The following SCUBE3 variants were observed in gnomAD, a reference collection of about 807,000 sequenced individuals.
SCUBE3 encodes the protein signal peptide, CUB and EGF-like domain-containing protein 3.
In SCUBE3, 33 loss-of-function variants were observed where a neutral mutation model predicts 116.8. The observed-to-expected ratio is 0.28, with a 90% CI of 0.21 to 0.38. SCUBE3 has a LOEUF of 0.38. Among genes scored for constraint, SCUBE3 ranks in the 10% least tolerant of loss-of-function variants. The pLI is 1.00. For synonymous variants in SCUBE3, 418 were observed against 496.9 expected, an observed-to-expected ratio of 0.84 and a Z score of 2.11; for missense variants, 1,007 against 1,324.8, an observed-to-expected ratio of 0.76 and a Z score of 3.72.
At chr6:35,217,053 T>C (rs1782924846) in intron 1 of SCUBE3, among the ~76,000 whole-genome samples, 1 of 151,600 alleles carries the variant, frequency 6.6e-6, no homozygotes, top group African/African-American at 2.4e-5. Context: ...GAAGAGTAGG[T>C]GGGTAAGCCT....
Position 35,241,116 on chromosome 6 carries a change from T to A in SCUBE3, c.1070-25T>A, listed in dbSNP as rs1784024869. The A allele has an allele frequency of 1.3e-6, 2 of 1,566,880 alleles. No individual in the cohort carries two copies. The highest frequency in any genetic ancestry group is 2.7e-5 in the African/African-American group (2 of 73,828). On this transcript the variant is annotated intron_variant, in intron 9 of 21. Coordinates refer to ENST00000274938, the MANE Select transcript of SCUBE3 (RefSeq NM_152753.4). The surrounding 1 kb of genome is among the most constrained non-coding windows in gnomAD (Gnocchi z 4.1). ...CCTCCTCCAACTCCATCGTTGTTTTTCTGTCTCCCTACTCCTTCCCCCAGA... is the reference window on the plus strand; with the variant it reads ...CCTCCTCCAACTCCATCGTTGTTTTACTGTCTCCCTACTCCTTCCCCCAGA...
chr6:35,243,987 C>A lies in SCUBE3; in HGVS notation c.2096C>A (p.Ser699Tyr). 1 of 1,614,094 alleles carries A rather than the reference C, an allele frequency of 6.2e-7. No homozygotes were observed. The highest frequency in any genetic ancestry group is 8.5e-7 in the Non-Finnish European group (1 of 1,179,980). ...CAGQCPPGQH[S>Y]VDGFKPCQPC... ...GGTCAGTGCCCACCTGGCCAACACT[C>A]TGTAGATGGGTTCAAGCCCTGTCAG... The change falls in exon 17 of 22, where the codon TCT becomes TAT. Residue 699 changes from serine to tyrosine, a missense_variant. Ser to Tyr is a moderately radical substitution (Grantham distance 144). Transcript: ENST00000274938. This position sits in a 1 kb window ranked among gnomAD's most constrained non-coding sequence, Gnocchi z 6.6.
chr6:35,214,193 G>T lies in SCUBE3; in HGVS notation c.-226G>T, dbSNP rs1782790357. Among the ~76,000 whole-genome samples the T allele has an allele frequency of 6.6e-6, 1 of 152,104 alleles. No homozygotes were observed. The highest frequency in any genetic ancestry group is 1.5e-5 in the Non-Finnish European group (1 of 67,996). On this transcript the variant is annotated 5_prime_UTR_variant, in exon 1 of 22. Transcript: ENST00000274938. This position sits in a 1 kb window ranked among gnomAD's most constrained non-coding sequence, Gnocchi z 6.3. The stretch of plus-strand genomic sequence containing the variant: ...CGCCCCTGGCGCCCCTCGCCTCGTC[G>T]CACTCTCCGCCTCGCTCTCCCCGAC...
Position 35,240,235 on chromosome 6 carries a change from A to C in SCUBE3, c.953-139A>C, listed in dbSNP as rs1783977408. 1 of 558,368 alleles carries C rather than the reference A, an allele frequency of 1.8e-6. No homozygotes were observed. The highest frequency in any genetic ancestry group is 2.7e-5 in the South Asian group (1 of 37,498). The allele number at this position is 558,368 out of a possible 1,614,324, so 34.6% of individuals were successfully genotyped here. Reference sequence around the variant, plus strand: ...GAAGATGGAATGGCATTGTTAAATCACTGGTCCTAGAGCTAGGACATGAAT... The same window carrying C: ...GAAGATGGAATGGCATTGTTAAATCCCTGGTCCTAGAGCTAGGACATGAAT... On this transcript the variant is annotated intron_variant, in intron 8 of 21. Transcript: ENST00000274938. The surrounding 1 kb of genome is among the most constrained non-coding windows in gnomAD (Gnocchi z 4.6).
rs1271976285 is a variant in SCUBE3 at position 35,244,428 on chromosome 6, C to T, written c.2240-222C>T. On this transcript the variant is annotated intron_variant, in intron 17 of 21. Transcript: ENST00000274938. The surrounding 1 kb of genome is among the most constrained non-coding windows in gnomAD (Gnocchi z 4.3). ...TATATAGGTTTGGCACTGTGCTCAGCGTCTGAAAGAAAAGGATTGGCACTG... is the reference window on the plus strand; with the variant it reads ...TATATAGGTTTGGCACTGTGCTCAGTGTCTGAAAGAAAAGGATTGGCACTG... 6.6e-6 allele frequency among the ~76,000 whole-genome samples: 1 copy of T among 152,164 alleles called. No homozygotes were observed.
rs1050478217 is a variant in SCUBE3 at position 35,235,366 on chromosome 6, G to A, written c.712+2065G>A. 16 of 591,078 alleles carry A rather than the reference G, an allele frequency of 2.7e-5. No homozygotes were observed. The highest frequency in any genetic ancestry group is 1.1e-4 in the African/African-American group (6 of 53,632). 36.6% of individuals were successfully genotyped at this position (591,078 alleles called of 1,614,324 possible). A position where few individuals can be genotyped will look rare whatever the true frequency, so the allele number is the denominator to read the frequency against. On this transcript the variant is annotated intron_variant, in intron 6 of 21. Coordinates refer to ENST00000274938, the MANE Select transcript of SCUBE3 (RefSeq NM_152753.4). The surrounding 1 kb of genome is among the most constrained non-coding windows in gnomAD (Gnocchi z 4.5). ...GTTTGGGCTGGCAGTGGGGAGGAGA[G>A]GGTGGGGAGGGGTCCGGGGCCAGAG...
At chr6:35,215,241 T>C (rs1378505349) in intron 1 of SCUBE3, among the ~76,000 whole-genome samples, 1 of 152,172 alleles carries the variant, frequency 6.6e-6, no homozygotes, top group Non-Finnish European at 1.5e-5. Flanking sequence ...CAAAGTAGAA[T>C]TCCAGGCCGG....
At chr6:35,230,754 G>C (rs951164008) in intron 3 of SCUBE3, among the ~76,000 whole-genome samples, 1 of 152,230 alleles carries the variant, frequency 6.6e-6, no homozygotes, top group African/African-American at 2.4e-5. Flanking sequence ...AAGGGGAAGA[G>C]AAGGTTGCAG....
In SCUBE3 at chr6:35,243,377, TG is replaced by T. The variant is rs1784167177; in HGVS notation, c.1909+143del. 1 of 892,144 alleles carries T rather than the reference TG, an allele frequency of 1.1e-6. No individual in the cohort carries two copies. Among genetic ancestry groups the T allele is most frequent in the Non-Finnish European group, 1.7e-6 (1 of 581,340 alleles). 55.3% of individuals were successfully genotyped at this position (892,144 alleles called of 1,614,324 possible). A position where few individuals can be genotyped will look rare whatever the true frequency, so the allele number is the denominator to read the frequency against. On this transcript the variant is annotated intron_variant, in intron 15 of 21. Coordinates refer to ENST00000274938, the MANE Select transcript of SCUBE3 (RefSeq NM_152753.4). This position sits in a 1 kb window ranked among gnomAD's most constrained non-coding sequence, Gnocchi z 6.6. ...CTCCTGCCCGCTGTCCTCCCTTCCTTGGTTCCAGGCTGAAATCTAGAAGGAT... is the reference window on the plus strand; with the variant it reads ...CTCCTGCCCGCTGTCCTCCCTTCCTTGTTCCAGGCTGAAATCTAGAAGGAT...
chr6:35,241,216 C>T lies in SCUBE3; in HGVS notation c.1145C>T (p.Thr382Ile), dbSNP rs1354803380. 1 of 1,604,890 alleles carries T rather than the reference C, an allele frequency of 6.2e-7. No homozygotes were observed. The highest frequency in any genetic ancestry group is 8.5e-7 in the Non-Finnish European group (1 of 1,172,344). The change falls in exon 10 of 22, where the codon ACC (threonine) becomes ATC (isoleucine). Residue 382 changes from threonine to isoleucine, a missense_variant. This residue lies in a region of SCUBE3 where 544 missense variants were observed against 638.9 expected (regional missense o/e 0.85). Transcript: ENST00000274938. The surrounding 1 kb of genome is among the most constrained non-coding windows in gnomAD (Gnocchi z 4.1). ...AACACTCCTGGCAGCTACCAGTGTA[C>T]CTGCCCAGCAGGCCAGGGTCGGCTG... ...CINTPGSYQC[T>I]CPAGQGRLHW...
intron 1 of SCUBE3, chr6:35,218,028 A>C (rs1288220091): frequency 2.2e-6 from 1 of 446,126 alleles, no homozygotes; most frequent in Non-Finnish European, 3.0e-6. Context: ...GAATAAGAGA[A>C]AGGGGACTAG....
At position 35,243,305 on chromosome 6, in the gene SCUBE3, C is replaced by T; in HGVS notation, c.1909+69C>T. ...TTTGGGCCTGACTCAGAGCAGGACC[C>T]TTTGTGGCCTCAGATGCATTTCTCA... On this transcript the variant is annotated intron_variant, in intron 15 of 21. Coordinates refer to ENST00000274938, the MANE Select transcript of SCUBE3 (RefSeq NM_152753.4). This position sits in a 1 kb window ranked among gnomAD's most constrained non-coding sequence, Gnocchi z 6.6. The T allele has an allele frequency of 7.6e-7, 1 of 1,317,910 alleles. No homozygotes were observed. The highest frequency in any genetic ancestry group is 1.2e-5 in the South Asian group (1 of 84,112). The allele number at this position is 1,317,910 out of a possible 1,614,324, so 81.6% of individuals were successfully genotyped here. A position where few individuals can be genotyped will look rare whatever the true frequency, so the allele number is the denominator to read the frequency against.
intron 1 of SCUBE3, among the ~76,000 whole-genome samples, chr6:35,225,319 C>T (rs1246004142): frequency 2.0e-5 from 3 of 152,212 alleles, no homozygotes; most frequent in African/African-American, 7.2e-5. Flanking sequence ...CTGACTGGTT[C>T]CAGTGCTTAA....
intron 12 of SCUBE3, 95 bp from the exon 13 acceptor site, chr6:35,242,109 C>T (rs777780515): frequency 1.3e-4 from 127 of 959,366 alleles, no homozygotes; most frequent in Middle Eastern, 1.1e-3. Context: ...CCCAGCCAAG[C>T]CCCTGGCTTA....
At chr6:35,242,578 CTT>C (rs1784120511) in intron 13 of SCUBE3, 42 bp from the exon 14 acceptor site, 3 of 1,576,784 alleles carry the variant, frequency 1.9e-6, no homozygotes, top group African/African-American at 2.7e-5. Flanking sequence ...GGAGTGAGAA[CTT>C]TCCAGGGGAT....
rs143349311 is a variant in SCUBE3, at chr6:35,218,259, G to GGTGT, written c.85+3768_85+3771dup. ...GTGTGAATGTGTGTGCATGACTCAGGGTGTGTGTGTGTGTGAAGTGCTCTG... is the reference window on the plus strand; with the variant it reads ...GTGTGAATGTGTGTGCATGACTCAGGGTGTGTGTGTGTGTGTGTGAAGTGCTCTG... On this transcript the variant is annotated intron_variant, in intron 1 of 21. Transcript: ENST00000274938. 176 of 450,054 alleles carry GGTGT rather than the reference G, an allele frequency of 3.9e-4. 1 individual carries two copies. Among genetic ancestry groups the GGTGT allele is most frequent in the African/African-American group, 3.6e-3 (166 of 46,430 alleles). 27.9% of individuals were successfully genotyped at this position (450,054 alleles called of 1,614,324 possible).
intron 1 of SCUBE3, among the ~76,000 whole-genome samples, chr6:35,225,061 T>C (rs571051258): frequency 6.6e-6 from 1 of 152,330 alleles, no homozygotes; most frequent in Admixed American, 6.5e-5. Context: ...AATAACCACA[T>C]GTGGCTAGTG....
intron 1 of SCUBE3, among the ~76,000 whole-genome samples, chr6:35,227,117 A>G (rs1783360274): frequency 6.6e-6 from 1 of 152,188 alleles, no homozygotes; most frequent in South Asian, 2.1e-4. Flanking sequence ...AAGATCCCTC[A>G]GATGCCCCAT....
chr6:35,242,547 T>C, intron 13 of SCUBE3, 75 bp from the exon 14 acceptor site: 1 of 1,321,496 alleles, frequency 7.6e-7, no homozygotes, highest in Non-Finnish European at 1.1e-6. Context: ...GTTAGAGATC[T>C]GGGGAGGTCT....
Sources: allele counts gnomAD v4.1 joint callset (sites outside exome capture counted in the v4.1 genomes callset), GRCh38; gene constraint gnomAD v4.1.1; regional missense constraint gnomAD v4.1.1; non-coding constraint Gnocchi (gnomAD v3.1); transcripts MANE v1.5; gene names NCBI Gene and HGNC (gene_info 2026-07-23, HGNC 2026-07-21).